SV2B: variants seen among roughly 807,000 people sequenced by gnomAD.
The protein encoded by SV2B is solute carrier family 22 member B2.
Under a neutral mutation model 73.9 loss-of-function variants are expected in SV2B, and 41 were observed. The ratio of observed to expected loss-of-function variants is 0.56; its 90% confidence interval spans 0.43 to 0.72. The LOEUF is 0.72. Ranked by LOEUF, SV2B falls within the 30% of genes least tolerant of loss-of-function variation. SV2B has a pLI of 0.00. For synonymous variants in SV2B, 314 were observed against 314.2 expected (o/e 1.00, Z 0.01); for missense variants, 764 against 857.8 (o/e 0.89, Z 1.37).
intron 1 of SV2B, among the ~76,000 whole-genome samples, chr15:91,181,091 T>A (rs946166843): frequency 1.3e-5 from 2 of 152,214 alleles, no homozygotes; most frequent in African/African-American, 4.8e-5. Flanking sequence ...TCCTTTCTGT[T>A]TGTTAGTTTT....
rs146436051 is a variant in SV2B at position 91,223,002 on chromosome 15, G to T, written c.-391-2871G>T. On this transcript the variant is annotated intron_variant, in intron 1 of 12. Coordinates refer to ENST00000394232, the MANE Select transcript of SV2B (RefSeq NM_001323032.3). The surrounding 1 kb of genome is among the most constrained non-coding windows in gnomAD (Gnocchi z 4.6). ...CATACCTCTGGAGCTTAGATGTTCA[G>T]AATCAGGGTGTCAACACAGTTGATT... 3.3e-5 allele frequency among the ~76,000 whole-genome samples: 5 copies of T among 152,308 alleles called. No homozygotes were observed. The East Asian group carries it at 9.7e-4, about 29-fold the overall frequency.
chr15:91,147,684 C>T (rs1025262027), intron 1 of SV2B, among the ~76,000 whole-genome samples: 1 of 152,148 alleles, frequency 6.6e-6, no homozygotes, highest in South Asian at 2.1e-4. Flanking sequence ...TCTGCCTAAA[C>T]GTCTGCTGGA....
At chr15:91,237,499 G>T (rs1228291111) in intron 2 of SV2B, among the ~76,000 whole-genome samples, 4 of 152,244 alleles carry the variant, frequency 2.6e-5, no homozygotes, top group African/African-American at 4.8e-5. Context: ...AGGAGCTGCT[G>T]ATAAAAAGCA....
chr15:91,107,297 G>GTTTGTTTGTTTGTTTATTTA (rs140617996), intron 1 of SV2B, among the ~76,000 whole-genome samples: 68 of 145,840 alleles, frequency 4.7e-4, no homozygotes, highest in Middle Eastern at 3.4e-3. Flanking sequence ...TTATTTGTTT[G>GTTTGTTTGTTTGTTTATTTA]TTTATTTATT....
At chr15:91,102,923 T>G (rs1317160636) in intron 1 of SV2B, among the ~76,000 whole-genome samples, 1 of 152,104 alleles carries the variant, frequency 6.6e-6, no homozygotes, top group Non-Finnish European at 1.5e-5. Context: ...TGCAAAACCC[T>G]GAGATAGGAG....
Position 91,141,949 on chromosome 15 carries a change from A to C in SV2B, c.-392+41586A>C, listed in dbSNP as rs2043009520. Among the ~76,000 whole-genome samples the C allele has an allele frequency of 2.0e-5, 3 of 152,168 alleles. No individual in the cohort carries two copies. The highest frequency in any genetic ancestry group is 7.2e-5 in the African/African-American group (3 of 41,448). The stretch of plus-strand genomic sequence containing the variant: ...GCAAGGATCCTCAGAGCTCCTGAGC[A>C]GAGGAATGGCACAAAGAGAGCAGGG... On this transcript the variant is annotated intron_variant, in intron 1 of 12. Coordinates refer to ENST00000394232, the MANE Select transcript of SV2B (RefSeq NM_001323032.3). This position sits in a 1 kb window ranked among gnomAD's most constrained non-coding sequence, Gnocchi z 4.6.
intron 1 of SV2B, among the ~76,000 whole-genome samples, chr15:91,213,175 A>C (rs537390232): frequency 3.9e-5 from 6 of 152,232 alleles, no homozygotes; most frequent in Admixed American, 3.9e-4. Flanking sequence ...AAACAAAAAT[A>C]AAAAATAGGA....
rs117676316 is a variant in SV2B at position 91,140,051 on chromosome 15, G to A, written c.-392+39688G>A. Among the ~76,000 whole-genome samples the A allele has an allele frequency of 0.012, 1,883 of 152,272 alleles. 19 individuals carry two copies. Among genetic ancestry groups the A allele is most frequent in the Middle Eastern group, 0.031 (9 of 294 alleles). On this transcript the variant is annotated intron_variant, in intron 1 of 12. Coordinates refer to ENST00000394232, the MANE Select transcript of SV2B (RefSeq NM_001323032.3). This position sits in a 1 kb window ranked among gnomAD's most constrained non-coding sequence, Gnocchi z 4.4. ...ACCTGGGAGCTTGCTAGAAATGCAGGCTCTTGGGTCCTGACCCAGACATAA... is the reference window on the plus strand; with the variant it reads ...ACCTGGGAGCTTGCTAGAAATGCAGACTCTTGGGTCCTGACCCAGACATAA...
At position 91,170,422 on chromosome 15, in the gene SV2B, G is replaced by A. The variant is rs191636936; in HGVS notation, c.-391-55451G>A. Among the ~76,000 whole-genome samples, 205 of 152,240 alleles carry A rather than the reference G, an allele frequency of 1.3e-3. 1 individual carries two copies. The highest frequency in any genetic ancestry group is 1.7e-3 in the Non-Finnish European group (118 of 68,034). ...CCTGCCTCAGCCTCCCGAGTAGCTG[G>A]AACTATAGGCATGTGCCACCACACC... On this transcript the variant is annotated intron_variant, in intron 1 of 12. Transcript: ENST00000394232.
chr15:91,169,649 T>C (rs144926336), intron 1 of SV2B, among the ~76,000 whole-genome samples: 5 of 152,242 alleles, frequency 3.3e-5, no homozygotes, highest in Non-Finnish European at 7.4e-5. Flanking sequence ...GAGCTTACAT[T>C]CTAATGTGTG....
Position 91,135,458 on chromosome 15 carries a change from T to C in SV2B, c.-392+35095T>C, listed in dbSNP as rs183671381. Among the ~76,000 whole-genome samples, 1,196 of 152,238 alleles carry C rather than the reference T, an allele frequency of 7.9e-3. 15 individuals carry two copies. The highest frequency in any genetic ancestry group is 0.037 in the South Asian group (177 of 4,824). The stretch of plus-strand genomic sequence containing the variant: ...GGGGAACAACCATGAAAAACAGAGG[T>C]ACTTTTTGTTGAGCAAGTGCTTCAT... On this transcript the variant is annotated intron_variant, in intron 1 of 12. Transcript: ENST00000394232.
chr15:91,287,636 C>G (rs1249131493), intron 11 of SV2B, among the ~76,000 whole-genome samples: 1 of 152,152 alleles, frequency 6.6e-6, no homozygotes, highest in Non-Finnish European at 1.5e-5. Flanking sequence ...ATCCCCACCC[C>G]AGAGTTCTGA....
At chr15:91,221,693 G>GCGCA (rs370290337) in intron 1 of SV2B, among the ~76,000 whole-genome samples, 162 of 140,152 alleles carry the variant, frequency 1.2e-3, no homozygotes, top group African/African-American at 2.6e-3. Context: ...AAGCATGTGC[G>GCGCA]CACACACACA....
intron 1 of SV2B, among the ~76,000 whole-genome samples, chr15:91,211,178 G>A (rs2045844607): frequency 6.6e-6 from 1 of 152,250 alleles, no homozygotes; most frequent in Non-Finnish European, 1.5e-5. Flanking sequence ...GGCTGATGGT[G>A]TCAGGGAACT....
Position 91,280,569 on chromosome 15 carries a change from A to T in SV2B, c.1374-1159A>T, listed in dbSNP as rs930514985. On this transcript the variant is annotated intron_variant, in intron 9 of 12. Coordinates refer to ENST00000394232, the MANE Select transcript of SV2B (RefSeq NM_001323032.3). This position sits in a 1 kb window ranked among gnomAD's most constrained non-coding sequence, Gnocchi z 5.8. The stretch of plus-strand genomic sequence containing the variant: ...TAAAGGCTTCCAGCCTAAAAGTTTG[A>T]CCAAGCTTGTTAAATATAGCCAACA... 1.2e-4 allele frequency among the ~76,000 whole-genome samples: 19 copies of T among 152,254 alleles called. No homozygotes were observed. The highest frequency in any genetic ancestry group is 4.3e-4 in the African/African-American group (18 of 41,464).
Position 91,261,024 on chromosome 15 carries a change from G to C in SV2B, c.1008+615G>C, listed in dbSNP as rs922769419. Among the ~76,000 whole-genome samples the C allele has an allele frequency of 1.3e-5, 2 of 152,164 alleles. No homozygotes were observed. The highest frequency in any genetic ancestry group is 3.2e-3 in the Middle Eastern group (1 of 316). On this transcript the variant is annotated intron_variant, in intron 6 of 12. Coordinates refer to ENST00000394232, the MANE Select transcript of SV2B (RefSeq NM_001323032.3). The surrounding 1 kb of genome is among the most constrained non-coding windows in gnomAD (Gnocchi z 4.7). ...AACGCAGAGCCACACCACATCAGAG[G>C]CCGAGGCTGGCAGATCACTTGAAGT... is the stretch of plus-strand genomic sequence containing the variant.
intron 1 of SV2B, among the ~76,000 whole-genome samples, chr15:91,166,396 A>T (rs2043912116): frequency 6.6e-6 from 1 of 152,014 alleles, no homozygotes; most frequent in Non-Finnish European, 1.5e-5. Context: ...GTTTTTCCAC[A>T]GTTTGATTAT....
At chr15:91,131,688 T>C (rs185716806) in intron 1 of SV2B, among the ~76,000 whole-genome samples, 8 of 149,606 alleles carry the variant, frequency 5.3e-5, no homozygotes, top group Admixed American at 4.0e-4. Context: ...AGTGGCTGAG[T>C]GTGGTGGCTC....
At chr15:91,174,804 T>G (rs578168301) in intron 1 of SV2B, among the ~76,000 whole-genome samples, 2 of 152,364 alleles carry the variant, frequency 1.3e-5, no homozygotes, top group South Asian at 4.1e-4. Flanking sequence ...TTTCTCAGCA[T>G]TGAGCCTTCT....
Sources: allele counts gnomAD v4.1 joint callset (sites outside exome capture counted in the v4.1 genomes callset), GRCh38; gene constraint gnomAD v4.1.1; non-coding constraint Gnocchi (gnomAD v3.1); transcripts MANE v1.5; gene names NCBI Gene and HGNC (gene_info 2026-07-23, HGNC 2026-07-21).